The following GCH1 variants were observed in gnomAD, a reference collection of about 807,000 sequenced individuals.
GCH1 encodes the protein GTP cyclohydrolase 1.
GCH1 carries 5 observed loss-of-function variants against 25.9 expected under a neutral mutation model. The observed-to-expected ratio is 0.19, with a 90% CI of 0.10 to 0.41. The LOEUF is 0.41. Ranked by LOEUF, GCH1 falls within the 10% of genes least tolerant of loss-of-function variation. The pLI is 1.00. For synonymous variants in GCH1, 159 were observed against 129.6 expected (o/e 1.23, Z -1.54); for missense variants, 261 against 336.5 (o/e 0.78, Z 1.75).
At chr14:54,873,232 T>A (rs923713571) in intron 1 of GCH1, among the ~76,000 whole-genome samples, 4 of 152,170 alleles carry the variant, frequency 2.6e-5, no homozygotes, top group Admixed American at 6.5e-5. Context: ...AGCAACCTGC[T>A]CCTGAATGAC....
chr14:54,849,620 C>T lies in GCH1; in HGVS notation c.510-2490G>A, dbSNP rs139459484. 3.8e-3 allele frequency among the ~76,000 whole-genome samples: 581 copies of T among 152,286 alleles called. 5 individuals carry two copies. The highest frequency in any genetic ancestry group is 0.013 in the African/African-American group (545 of 41,568). The stretch of plus-strand genomic sequence containing the variant: ...ACTTATTTGGAATTTATTAGGCTTT[C>T]TGAAGACCGATATTTTGCATGTGTT... On this transcript the variant is annotated intron_variant, in intron 3 of 5. Coordinates refer to ENST00000491895, the MANE Select transcript of GCH1 (RefSeq NM_000161.3).
chr14:54,902,216 C>A (rs940458406), intron 1 of GCH1, 105 bp downstream of exon 1: 15 of 1,274,410 alleles, frequency 1.2e-5, no homozygotes, highest in Non-Finnish European at 1.7e-5. Flanking sequence ...CGGCTTCCTG[C>A]GCCAAAAGTG....
chr14:54,886,650 C>T (rs8020798), intron 1 of GCH1, among the ~76,000 whole-genome samples: 33,668 of 152,026 alleles, frequency 0.22, 3,870 homozygotes, highest in African/African-American at 0.27. Flanking sequence ...GTTATTGTCC[C>T]GACTTTACAG....
intron 5 of GCH1, among the ~76,000 whole-genome samples, chr14:54,844,914 G>GT (rs1384935332): frequency 6.6e-6 from 1 of 152,232 alleles, no homozygotes; most frequent in Non-Finnish European, 1.5e-5. Context: ...GCTCACGCCA[G>GT]TAATCTCAGT....
At chr14:54,879,899 C>T (rs2040219187) in intron 1 of GCH1, among the ~76,000 whole-genome samples, 1 of 142,130 alleles carries the variant, frequency 7.0e-6, no homozygotes, top group African/African-American at 2.6e-5. Flanking sequence ...GCAGGAGAAT[C>T]GTTTGATTCT....
At chr14:54,875,510 G>A (rs1007603784) in intron 1 of GCH1, among the ~76,000 whole-genome samples, 5 of 152,126 alleles carry the variant, frequency 3.3e-5, no homozygotes. Context: ...GCACAGCAAA[G>A]GAAACTACCA....
intron 1 of GCH1, among the ~76,000 whole-genome samples, chr14:54,874,215 C>T (rs2040124650): frequency 6.6e-6 from 1 of 152,146 alleles, no homozygotes; most frequent in Admixed American, 6.6e-5. Context: ...TGTAATCCAG[C>T]ATATAAACAG....
At chr14:54,882,436 C>T (rs1309105156) in intron 1 of GCH1, among the ~76,000 whole-genome samples, 8 of 152,194 alleles carry the variant, frequency 5.3e-5, no homozygotes, top group Non-Finnish European at 1.2e-4. Context: ...CCTTTCTGGT[C>T]TCAGTTTACT....
At chr14:54,845,734 A>G in intron 5 of GCH1, 34 bp downstream of exon 5, 5 of 1,149,728 alleles carry the variant, frequency 4.3e-6, no homozygotes, top group Non-Finnish European at 6.6e-6. Flanking sequence ...CTAGTGCACC[A>G]TTATGACGTT....
intron 1 of GCH1, 63 bp downstream of exon 1, chr14:54,902,258 C>G (rs1249825120): frequency 5.2e-6 from 8 of 1,549,552 alleles, no homozygotes; most frequent in Non-Finnish European, 7.1e-6. Flanking sequence ...GGAGCCGGCG[C>G]GCGTTTCCTG....
In GCH1 at chr14:54,897,004, C is replaced by CTTTTTTTTTTT. The variant is rs1264967638; in HGVS notation, c.343+5316_343+5317insAAAAAAAAAAA. Among the ~76,000 whole-genome samples the CTTTTTTTTTTT allele has an allele frequency of 2.6e-5, 3 of 115,940 alleles. 1 individual carries two copies. The highest frequency in any genetic ancestry group is 3.9e-5 in the African/African-American group (1 of 25,738). 76.1% of individuals were successfully genotyped at this position (115,940 alleles called of 152,430 possible). A position where few individuals can be genotyped will look rare whatever the true frequency, so the allele number is the denominator to read the frequency against. Reference sequence around the variant, plus strand: ...GACTGATCTTATCCATTCTACTCCACTTTTTGTTTTTTTTTTTTTTTTTTG... The same window carrying CTTTTTTTTTTT: ...GACTGATCTTATCCATTCTACTCCACTTTTTTTTTTTTTTTTGTTTTTTTTTTTTTTTTTTG... On this transcript the variant is annotated intron_variant, in intron 1 of 5. Transcript: ENST00000491895.
chr14:54,902,023 C>T (rs1344797889), intron 1 of GCH1, among the ~76,000 whole-genome samples: 1 of 152,192 alleles, frequency 6.6e-6, no homozygotes, highest in East Asian at 1.9e-4. Flanking sequence ...CTCCGGGCTC[C>T]CGTCCACGCC....
chr14:54,869,479 A>G (rs1323737837), intron 1 of GCH1, among the ~76,000 whole-genome samples: 1 of 151,980 alleles, frequency 6.6e-6, no homozygotes, highest in Admixed American at 6.6e-5. Context: ...AATTGTTTCA[A>G]AATAAAAACT....
chr14:54,900,874 CA>C (rs1187165338), intron 1 of GCH1, among the ~76,000 whole-genome samples: 2 of 150,770 alleles, frequency 1.3e-5, no homozygotes, highest in African/African-American at 5.0e-5. Flanking sequence ...CACACACACA[CA>C]CACACACACA....
At chr14:54,844,244 A>C (rs1197712185) in intron 5 of GCH1, 101 bp from the exon 6 acceptor site, 2 of 817,670 alleles carry the variant, frequency 2.4e-6, no homozygotes, top group Admixed American at 1.7e-5. Flanking sequence ...ACAGTTACCA[A>C]GTATATCGAA....
chr14:54,852,888 T>C (rs1452513873), intron 3 of GCH1, among the ~76,000 whole-genome samples: 1 of 152,234 alleles, frequency 6.6e-6, no homozygotes, highest in Admixed American at 6.5e-5. Flanking sequence ...CAAGCCTGGA[T>C]AAAAGTGCAT....
At chr14:54,859,338 C>G in intron 3 of GCH1, 1 of 314,794 alleles carries the variant, frequency 3.2e-6, no homozygotes, top group Middle Eastern at 1.0e-3. Context: ...CTTCCCCAAC[C>G]CCTCACTGTT....
At chr14:54,853,962 T>G (rs768946615) in intron 3 of GCH1, among the ~76,000 whole-genome samples, 6 of 152,256 alleles carry the variant, frequency 3.9e-5, no homozygotes, top group Non-Finnish European at 5.9e-5. Context: ...TATTAATGTA[T>G]GCAGGCTTTC....
At chr14:54,880,087 G>A (rs2040224008) in intron 1 of GCH1, among the ~76,000 whole-genome samples, 1 of 149,368 alleles carries the variant, frequency 6.7e-6, no homozygotes, top group African/African-American at 2.5e-5. Context: ...GTTGCAGTGA[G>A]CCAAGATCAT....
Sources: gnomAD v4.1 joint callset for allele counts (sites outside exome capture counted in the v4.1 genomes callset) on GRCh38, gnomAD v4.1.1 for gene constraint, MANE v1.5 for transcripts, NCBI Gene and HGNC (gene_info 2026-07-23, HGNC 2026-07-21) for gene names.